Variants in TYK2 observed in about 807,000 individuals in gnomAD.
TYK2 encodes the protein tyrosine kinase 2.
Under a neutral mutation model 130.9 loss-of-function variants are expected in TYK2, and 65 were observed. That is an observed-to-expected ratio of 0.50 (90% CI 0.41 to 0.61). The LOEUF (loss-of-function observed/expected upper bound fraction) is 0.61, where lower values mean the gene tolerates loss of function less well. Among genes scored for constraint, TYK2 ranks in the 20% least tolerant of loss-of-function variants. The pLI, the probability that TYK2 is intolerant of heterozygous loss-of-function variation, is 0.00. For missense variants in TYK2, 1,378 were observed against 1,610.7 expected (o/e 0.86, Z 2.47); for synonymous variants, 647 against 658.9 (o/e 0.98, Z 0.28).
At position 10,356,715 on chromosome 19, in the gene TYK2, C is replaced by T; in HGVS notation, c.2470G>A (p.Glu824Lys). ...PLQSRSPSEKEHFYQRQHRLP... is the reference protein window; with the variant it reads ...PLQSRSPSEKKHFYQRQHRLP... ...CGGTGCTGCCTCTGGTAGAAATGCT[C>T]CTTCTGTTGGGAAAGGGACCCAGAG... The change falls in exon 18 of 25, where the codon GAG (glutamate) becomes AAG (lysine). Residue 824 changes from glutamate (E) to lysine (K), a missense_variant. Coordinates refer to ENST00000525621, the MANE Select transcript of TYK2 (RefSeq NM_003331.5). The T allele has an allele frequency of 5.6e-6, 9 of 1,605,852 alleles. No homozygotes were observed. Among genetic ancestry groups the T allele is most frequent in the Non-Finnish European group, 7.6e-6 (9 of 1,176,494 alleles).
At chr19:10,369,067 C>T (rs534094443) in intron 3 of TYK2, among the ~76,000 whole-genome samples, 1 of 152,134 alleles carries the variant, frequency 6.6e-6, no homozygotes, top group Non-Finnish European at 1.5e-5. Context: ...CCTTGGCCCC[C>T]CAAAGTGCTG....
chr19:10,361,319 T>C lies in TYK2; in HGVS notation c.2047+192A>G. 1.5e-6 allele frequency: 1 copy of C among 650,888 alleles called. No homozygotes were observed. The highest frequency in any genetic ancestry group is 2.7e-5 in the East Asian group (1 of 36,464). The allele number at this position is 650,888 out of a possible 1,614,324, so 40.3% of individuals were successfully genotyped here. A position where few individuals can be genotyped will look rare whatever the true frequency, so the allele number is the denominator to read the frequency against. ...GGTCGACGTGTTGGGATGTAAGTTA[T>C]GGGCTGGAATATCGTTAGGGGTTGG... On this transcript the variant is annotated intron_variant, in intron 14 of 24. Transcript: ENST00000525621. This position sits in a 1 kb window ranked among gnomAD's most constrained non-coding sequence, Gnocchi z 4.0.
Position 10,364,400 on chromosome 19 carries a change from G to A in TYK2, c.1367+214C>T, listed in dbSNP as rs747074189. 3.9e-5 allele frequency among the ~76,000 whole-genome samples: 6 copies of A among 152,148 alleles called. No homozygotes were observed. Among genetic ancestry groups the A allele is most frequent in the Non-Finnish European group, 7.3e-5 (5 of 68,030 alleles). On this transcript the variant is annotated intron_variant, in intron 9 of 24. Transcript: ENST00000525621. This position sits in a 1 kb window ranked among gnomAD's most constrained non-coding sequence, Gnocchi z 4.9. Reference sequence around the variant, plus strand: ...TGGCGAGTGCCTGTAGTCCCAGGTAGTCAGTTGGGAGGCTGAGGCAGGAGA... The same window carrying A: ...TGGCGAGTGCCTGTAGTCCCAGGTAATCAGTTGGGAGGCTGAGGCAGGAGA...
chr19:10,352,809 G>T, intron 22 of TYK2, 117 bp downstream of exon 22: 1 of 1,354,256 alleles, frequency 7.4e-7, no homozygotes, highest in Non-Finnish European at 1.0e-6. Context: ...CGCACCGCTA[G>T]GCCCCGCCGC....
chr19:10,363,410 G>A (rs1178383106), intron 9 of TYK2, among the ~76,000 whole-genome samples: 1 of 151,824 alleles, frequency 6.6e-6, no homozygotes, highest in Non-Finnish European at 1.5e-5. Flanking sequence ...GAACTCCTGG[G>A]CTCAAGTGAT....
intron 7 of TYK2, 41 bp downstream of exon 7, chr19:10,365,476 C>T (rs1380186145): frequency 1.2e-6 from 2 of 1,610,678 alleles, no homozygotes; most frequent in African/African-American, 1.3e-5. Flanking sequence ...CCCACCCCAG[C>T]CCAACCTGAA....
At chr19:10,368,577 A>G (rs2041774567) in intron 3 of TYK2, 159 bp from the exon 4 acceptor site, 1 of 1,005,510 alleles carries the variant, frequency 9.9e-7, no homozygotes, top group African/African-American at 1.6e-5. Context: ...GACAGTGCGT[A>G]TGTTGCCCAT....
Position 10,362,376 on chromosome 19 carries a change from C to A in TYK2, c.1557G>T (p.Trp519Cys). ...CCCGAACGCTGGGGAAGGACCGGCC[C>A]CAGCCCTCCAGCACGAAGGCCCCGT... ...QQDGAFVLEG[W>C]GRSFPSVREL... The change falls in exon 11 of 25, where the codon TGG becomes TGT. Residue 519 changes from tryptophan (W) to cysteine (C), a missense_variant. Physicochemically the swap from Trp to Cys is radical, Grantham distance 215. Transcript: ENST00000525621. 6.2e-7 allele frequency: 1 copy of A among 1,614,042 alleles called. No individual in the cohort carries two copies. The highest frequency in any genetic ancestry group is 8.5e-7 in the Non-Finnish European group (1 of 1,179,986).
rs1261608586 is a variant in TYK2, at chr19:10,352,557, G to A, written c.3201-6C>T. 2.7e-6 allele frequency: 4 copies of A among 1,479,988 alleles called. No individual in the cohort carries two copies. The highest frequency in any genetic ancestry group is 2.8e-5 in the African/African-American group (2 of 71,654). The allele number at this position is 1,479,988 out of a possible 1,614,324, so 91.7% of individuals were successfully genotyped here. ...TCAGGCACTCTGGGGCATACCTAGG[G>A]GGAGGGGGGCACTCAGGCCACGGGG... On this transcript the variant is annotated splice_region_variant and splice_polypyrimidine_tract_variant and intron_variant, in intron 22 of 24. Coordinates refer to ENST00000525621, the MANE Select transcript of TYK2 (RefSeq NM_003331.5).
chr19:10,352,411 G>A (rs1338574304), intron 23 of TYK2, 23 bp downstream of exon 23: 1 of 1,496,516 alleles, frequency 6.7e-7, no homozygotes, highest in Non-Finnish European at 9.3e-7. Flanking sequence ...AACTCCCGGT[G>A]GGGCTGCGGG....
chr19:10,357,188 A>C (rs2041143654), intron 17 of TYK2: 1 of 407,546 alleles, frequency 2.5e-6, no homozygotes, highest in African/African-American at 2.0e-5. Flanking sequence ...CAGGAGTTTG[A>C]GACCAGCCTG....
Position 10,368,424 on chromosome 19 carries a change from T to C in TYK2, c.194-6A>G. 1 of 1,613,964 alleles carries C rather than the reference T, an allele frequency of 6.2e-7. No homozygotes were observed. Among genetic ancestry groups the C allele is most frequent in the East Asian group, 2.2e-5 (1 of 44,876 alleles). On this transcript the variant is annotated splice_polypyrimidine_tract_variant and splice_region_variant and intron_variant, in intron 3 of 24. Coordinates refer to ENST00000525621, the MANE Select transcript of TYK2 (RefSeq NM_003331.5). ...GAAGCAAGGAGGAGTGATACCTGGA[T>C]CAGGTGAGAAACGAGGTCAGGAGTC...
At chr19:10,378,002 ATGGATGCATGGG>A (rs1403105180) in intron 3 of TYK2, among the ~76,000 whole-genome samples, 200 bp downstream of exon 3, 1 of 95,504 alleles carries the variant, frequency 1.0e-5, no homozygotes, top group Non-Finnish European at 2.1e-5. Flanking sequence ...GGGAGGATGG[ATGGATGCATGGG>A]TGGATGGATG....
chr19:10,365,081 G>T (rs373121327), intron 7 of TYK2, 33 bp from the exon 8 acceptor site: 2 of 1,576,626 alleles, frequency 1.3e-6, no homozygotes, highest in African/African-American at 1.3e-5. Flanking sequence ...AGAGGATGGA[G>T]AGGGCAATGC....
Position 10,350,774 on chromosome 19 carries a change from G to A in TYK2, c.*60C>T. 1 of 1,593,642 alleles carries A rather than the reference G, an allele frequency of 6.3e-7. No individual in the cohort carries two copies. Among genetic ancestry groups the A allele is most frequent in the South Asian group, 1.1e-5 (1 of 90,522 alleles). The stretch of plus-strand genomic sequence containing the variant: ...GGTTTCATCCTGGAGCAGGGAGCAG[G>A]AGGCTCCCTCTGCAGCCACTGCCTG... On this transcript the variant is annotated 3_prime_UTR_variant, in exon 25 of 25. Coordinates refer to ENST00000525621, the MANE Select transcript of TYK2 (RefSeq NM_003331.5).
intron 17 of TYK2, chr19:10,357,278 A>G (rs2041147712): frequency 3.5e-6 from 2 of 565,080 alleles, no homozygotes; most frequent in Non-Finnish European, 3.2e-6. Context: ...AATCCCCCCT[A>G]CTCGGGAGGC....
intron 3 of TYK2, among the ~76,000 whole-genome samples, chr19:10,371,458 T>C (rs1014660554): frequency 6.6e-6 from 1 of 151,872 alleles, no homozygotes; most frequent in Non-Finnish European, 1.5e-5. Flanking sequence ...CTGACCAAAA[T>C]GGAGAAACCC....
In TYK2 at chr19:10,379,610, C is replaced by A. The variant is rs2042299341; in HGVS notation, c.-21+5G>T. The A allele has an allele frequency of 6.6e-6, 1 of 152,112 alleles. No homozygotes were observed. Among genetic ancestry groups the A allele is most frequent in the Non-Finnish European group, 1.5e-5 (1 of 68,026 alleles). 9.4% of individuals were successfully genotyped at this position (152,112 alleles called of 1,614,324 possible). On this transcript the variant is annotated splice_donor_5th_base_variant and intron_variant, in intron 2 of 24. Transcript: ENST00000525621. The stretch of plus-strand genomic sequence containing the variant: ...AACCAGACAGGCAGATGTGGTCAAA[C>A]ATACCTGAGGGTGAGTCCTGGAGCT...
chr19:10,352,802 A>G, intron 22 of TYK2, 124 bp downstream of exon 22: 1 of 1,302,224 alleles, frequency 7.7e-7, no homozygotes. Context: ...CCACCCCCGC[A>G]CCGCTAGGCC....
Sources: allele counts gnomAD v4.1 joint callset (sites outside exome capture counted in the v4.1 genomes callset), GRCh38; gene constraint gnomAD v4.1.1; non-coding constraint Gnocchi (gnomAD v3.1); transcripts MANE v1.5; gene names NCBI Gene and HGNC (gene_info 2026-07-23, HGNC 2026-07-21).